Variants in SLC24A3 observed in about 807,000 individuals in gnomAD.
SLC24A3 encodes solute carrier family 24 member 3, also known as sodium/potassium/calcium exchanger 3.
In SLC24A3, 28 loss-of-function variants were observed where a neutral mutation model predicts 75.8. That is an observed-to-expected ratio of 0.37 (90% confidence interval 0.27 to 0.51). SLC24A3 has a LOEUF of 0.51. Among genes scored for constraint, SLC24A3 ranks in the 20% least tolerant of loss-of-function variants. The pLI is 0.94. For synonymous variants in SLC24A3, 372 were observed against 334.1 expected (o/e 1.11, Z -1.24); for missense variants, 663 against 847.8 (o/e 0.78, Z 2.71).
chr20:19,467,525 C>T (rs1223076494), intron 2 of SLC24A3, among the ~76,000 whole-genome samples: 1 of 152,138 alleles, frequency 6.6e-6, no homozygotes, highest in Admixed American at 6.5e-5. Context: ...ACTTTGGAGA[C>T]ATAAGCTTGT....
In SLC24A3 at chr20:19,696,910, A is replaced by G. The variant is rs770468708; in HGVS notation, c.1605A>G (p.Gln535=). The change falls in exon 14 of 17, where the codon CAA becomes CAG. Residue 535 remains glutamine (Q), a splice_region_variant and synonymous_variant. Transcript: ENST00000328041. ...DCMASLIVAR[Q]GMGDMAVSNS... ...TGGCCAGCCTCATTGTGGCCAGACA[A>G]GGTGGGACTTCCAGTGGCAATGGGG... is the stretch of plus-strand genomic sequence containing the variant. 2.9e-6 allele frequency: 4 copies of G among 1,356,042 alleles called. No individual in the cohort carries two copies. Among genetic ancestry groups the G allele is most frequent in the Non-Finnish European group, 3.9e-6 (4 of 1,012,850 alleles). 84.0% of individuals were successfully genotyped at this position (1,356,042 alleles called of 1,614,324 possible). A position where few individuals can be genotyped will look rare whatever the true frequency, so the allele number is the denominator to read the frequency against.
At chr20:19,448,210 G>A (rs1302480733) in intron 2 of SLC24A3, among the ~76,000 whole-genome samples, 3 of 152,228 alleles carry the variant, frequency 2.0e-5, no homozygotes, top group African/African-American at 7.2e-5. Flanking sequence ...TTCAGAGCCA[G>A]ACACAGTGCT....
chr20:19,672,016 T>C (rs1255448956), intron 8 of SLC24A3, among the ~76,000 whole-genome samples: 1 of 151,932 alleles, frequency 6.6e-6, no homozygotes, highest in Non-Finnish European at 1.5e-5. Flanking sequence ...GGGCAGATGA[T>C]CTCCTTTCAG....
At chr20:19,481,321 AC>A in intron 2 of SLC24A3, among the ~76,000 whole-genome samples, 1 of 152,220 alleles carries the variant, frequency 6.6e-6, no homozygotes. Flanking sequence ...TTAGCACTTC[AC>A]ACGTACTAGT....
chr20:19,696,969 AGAAGGGAGGGAG>A (rs2032815042), intron 14 of SLC24A3, 58 bp downstream of exon 14: 6 of 268,734 alleles, frequency 2.2e-5, no homozygotes, highest in Admixed American at 2.0e-4. Flanking sequence ...GAGGGAGGGA[AGAAGGGAGGGAG>A]GGAGGGAGGG....
chr20:19,662,777 A>T (rs2032344395), intron 7 of SLC24A3, among the ~76,000 whole-genome samples: 1 of 152,252 alleles, frequency 6.6e-6, no homozygotes, highest in South Asian at 2.1e-4. Context: ...GAATAACATG[A>T]AATCTTTAAG....
At chr20:19,360,453 C>T (rs902855197) in intron 2 of SLC24A3, among the ~76,000 whole-genome samples, 3 of 152,228 alleles carry the variant, frequency 2.0e-5, no homozygotes. Flanking sequence ...CTGTGAATGT[C>T]AACATTTCAG....
chr20:19,363,055 GAC>G (rs1985820728), intron 2 of SLC24A3, among the ~76,000 whole-genome samples: 1 of 152,230 alleles, frequency 6.6e-6, no homozygotes, highest in African/African-American at 2.4e-5. Context: ...GATAGGAACT[GAC>G]AGGTGTTTTC....
chr20:19,687,362 A>G (rs1267232104), intron 12 of SLC24A3, among the ~76,000 whole-genome samples: 1 of 152,136 alleles, frequency 6.6e-6, no homozygotes, highest in Non-Finnish European at 1.5e-5. Context: ...CTTTGCAGCT[A>G]GATCAGGCAC....
At chr20:19,529,757 T>C (rs569312544) in intron 3 of SLC24A3, among the ~76,000 whole-genome samples, 1 of 152,306 alleles carries the variant, frequency 6.6e-6, no homozygotes. Context: ...ACAGCCCCTT[T>C]CTTTGATACC....
At chr20:19,224,308 A>G (rs1363913999) in intron 1 of SLC24A3, among the ~76,000 whole-genome samples, 1 of 152,210 alleles carries the variant, frequency 6.6e-6, no homozygotes, top group Non-Finnish European at 1.5e-5. Flanking sequence ...TATGTCACCT[A>G]TTCCCAAAAA....
chr20:19,496,028 T>C (rs2122535986), intron 2 of SLC24A3, among the ~76,000 whole-genome samples: 1 of 152,108 alleles, frequency 6.6e-6, no homozygotes, highest in East Asian at 1.9e-4. Flanking sequence ...TTCAAGCCAG[T>C]GAAAACACTG....
intron 2 of SLC24A3, among the ~76,000 whole-genome samples, chr20:19,433,513 A>T (rs1206227189): frequency 6.6e-6 from 1 of 152,198 alleles, no homozygotes; most frequent in East Asian, 1.9e-4. Context: ...TTTTTAAATC[A>T]CAGTGGTTGG....
intron 2 of SLC24A3, among the ~76,000 whole-genome samples, chr20:19,422,422 C>A (rs1478288511): frequency 6.6e-6 from 1 of 152,102 alleles, no homozygotes; most frequent in Non-Finnish European, 1.5e-5. Context: ...AGGGCTGCAC[C>A]TCCATGGTTC....
intron 7 of SLC24A3, among the ~76,000 whole-genome samples, chr20:19,663,883 A>G (rs1212437832): frequency 6.6e-6 from 1 of 152,162 alleles, no homozygotes; most frequent in East Asian, 1.9e-4. Context: ...TATGAATCTC[A>G]GGGCTGACTG....
At chr20:19,213,073 C>G (rs1211634473) in intron 1 of SLC24A3, 89 bp downstream of exon 1, 2 of 1,129,998 alleles carry the variant, frequency 1.8e-6, no homozygotes, top group African/African-American at 3.3e-5. Flanking sequence ...TTCGGGCGGC[C>G]CGGCCGGAGC....
At chr20:19,317,934 C>G (rs1010207597) in intron 2 of SLC24A3, among the ~76,000 whole-genome samples, 1 of 152,264 alleles carries the variant, frequency 6.6e-6, no homozygotes, top group African/African-American at 2.4e-5. Flanking sequence ...TTGGTGCACA[C>G]TGGCCACATT....
chr20:19,346,125 TATATATATATATG>T (rs1985401210), intron 2 of SLC24A3, among the ~76,000 whole-genome samples: 1 of 32,896 alleles, frequency 3.0e-5, no homozygotes, highest in African/African-American at 3.8e-4. Context: ...TGTGTGTGTG[TATATATATATATG>T]GTGTGTGTAT....
At chr20:19,709,592 A>G (rs1363889506) in intron 15 of SLC24A3, among the ~76,000 whole-genome samples, 5 of 152,050 alleles carry the variant, frequency 3.3e-5, no homozygotes, top group Non-Finnish European at 7.4e-5. Context: ...ACTGCACTCC[A>G]GCCTGGGTGA....
Sources: allele counts gnomAD v4.1 joint callset (sites outside exome capture counted in the v4.1 genomes callset), GRCh38; gene constraint gnomAD v4.1.1; transcripts MANE v1.5; gene names NCBI Gene and HGNC (gene_info 2026-07-23, HGNC 2026-07-21).